PTPRJ: variants seen among roughly 807,000 people sequenced by gnomAD.
PTPRJ encodes receptor-type tyrosine-protein phosphatase eta.
A neutral mutation model predicts 141.3 loss-of-function variants in PTPRJ; 129 were observed. The observed-to-expected ratio is 0.91, with a 90% CI of 0.79 to 1.06. The LOEUF is 1.06. Among genes scored for constraint, PTPRJ ranks in the 50% least tolerant of loss-of-function variants. PTPRJ has a pLI of 0.00. For synonymous variants in PTPRJ, 610 were observed against 640.5 expected, an observed-to-expected ratio of 0.95 and a Z score of 0.72; for missense variants, 1,601 against 1,679.7, an observed-to-expected ratio of 0.95 and a Z score of 0.82.
At chr11:48,070,975 T>C (rs535014477) in intron 1 of PTPRJ, among the ~76,000 whole-genome samples, 3 of 152,368 alleles carry the variant, frequency 2.0e-5, no homozygotes, top group East Asian at 1.9e-4. Context: ...AATTTAGTGC[T>C]GTATGATAGG....
At chr11:48,069,595 G>A (rs1031459015) in intron 1 of PTPRJ, among the ~76,000 whole-genome samples, 3 of 151,670 alleles carry the variant, frequency 2.0e-5, no homozygotes, top group Non-Finnish European at 2.9e-5. Context: ...GGCTACAGGC[G>A]CCTGCCACCA....
chr11:48,151,395 T>C (rs1857477508), intron 18 of PTPRJ, among the ~76,000 whole-genome samples: 1 of 150,842 alleles, frequency 6.6e-6, no homozygotes, highest in African/African-American at 2.4e-5. Flanking sequence ...ACTAGTCATA[T>C]GGGATTCAGG....
At chr11:48,077,609 A>G (rs1033190816) in intron 1 of PTPRJ, among the ~76,000 whole-genome samples, 1 of 151,952 alleles carries the variant, frequency 6.6e-6, no homozygotes, top group Non-Finnish European at 1.5e-5. Flanking sequence ...TCCTGATCCA[A>G]TATCCTGCCA....
At chr11:48,082,979 T>C (rs1228427529) in intron 1 of PTPRJ, among the ~76,000 whole-genome samples, 1 of 152,100 alleles carries the variant, frequency 6.6e-6, no homozygotes, top group Non-Finnish European at 1.5e-5. Context: ...GGTTGGCTCA[T>C]TGGAGGGGTG....
chr11:48,126,330 G>T (rs927991466), intron 6 of PTPRJ, among the ~76,000 whole-genome samples: 31 of 152,068 alleles, frequency 2.0e-4, no homozygotes, highest in African/African-American at 7.5e-4. Context: ...TCCTGCTTTG[G>T]GTTGAACTGT....
At chr11:48,110,624 C>T (rs909177971) in intron 2 of PTPRJ, among the ~76,000 whole-genome samples, 15 of 152,136 alleles carry the variant, frequency 9.9e-5, no homozygotes, top group African/African-American at 3.1e-4. Context: ...CATCTGTGGG[C>T]GATTTAACTT....
At chr11:48,118,547 C>T (rs1437174048) in intron 3 of PTPRJ, among the ~76,000 whole-genome samples, 1 of 152,208 alleles carries the variant, frequency 6.6e-6, no homozygotes, top group Non-Finnish European at 1.5e-5. Context: ...ATGCAAAAAT[C>T]TTTAACCAAA....
chr11:48,153,615 G>A (rs1857535583), intron 18 of PTPRJ, among the ~76,000 whole-genome samples, 181 bp from the exon 19 acceptor site: 1 of 151,712 alleles, frequency 6.6e-6, no homozygotes. Context: ...TCCTGAGAAA[G>A]GAACTCAGAT....
intron 21 of PTPRJ, among the ~76,000 whole-genome samples, chr11:48,159,122 GGTGTGTGT>G (rs1174836598): frequency 0.029 from 153 of 5,298 alleles, 2 homozygotes; most frequent in Admixed American, 0.036. Context: ...GTGTATGTGG[GGTGTGTGT>G]GTGTGTGTGT....
At chr11:48,088,835 G>C (rs1855783177) in intron 1 of PTPRJ, among the ~76,000 whole-genome samples, 1 of 152,074 alleles carries the variant, frequency 6.6e-6, no homozygotes, top group African/African-American at 2.4e-5. Context: ...GCTTTGTTGT[G>C]CTTGGCTCAG....
At chr11:48,073,890 G>A (rs1855330264) in intron 1 of PTPRJ, among the ~76,000 whole-genome samples, 1 of 152,122 alleles carries the variant, frequency 6.6e-6, no homozygotes, top group South Asian at 2.1e-4. Flanking sequence ...ACAGCTTGCA[G>A]CTGTTTTCTT....
intron 1 of PTPRJ, among the ~76,000 whole-genome samples, chr11:48,091,983 C>G (rs572566236): frequency 1.3e-5 from 2 of 151,988 alleles, no homozygotes; most frequent in Non-Finnish European, 2.9e-5. Context: ...TTCTGGAGTC[C>G]CCTGGGTGCT....
chr11:48,130,541 A>C lies in PTPRJ; in HGVS notation c.1440A>C (p.Glu480Asp). Reference sequence around the variant, plus strand: ...TAGCATGGAGCAGCCATGATGCAGAATCATTTCAGATGCATATCACACAGG... The same window carrying C: ...TAGCATGGAGCAGCCATGATGCAGACTCATTTCAGATGCATATCACACAGG... Reference protein sequence around the residue: ...IGLAWSSHDAESFQMHITQEG... With the variant: ...IGLAWSSHDADSFQMHITQEG... Residue 480 changes from glutamate to aspartate, a missense_variant, in exon 8 of 25, where the codon GAA becomes GAC. Transcript: ENST00000418331. 6.2e-7 allele frequency: 1 copy of C among 1,614,182 alleles called. No homozygotes were observed. The highest frequency in any genetic ancestry group is 8.5e-7 in the Non-Finnish European group (1 of 1,180,030).
intron 21 of PTPRJ, among the ~76,000 whole-genome samples, chr11:48,159,292 G>T (rs1369714597): frequency 6.6e-6 from 1 of 152,106 alleles, no homozygotes; most frequent in Non-Finnish European, 1.5e-5. Flanking sequence ...TTCTTTATTG[G>T]TGTGTGTATT....
chr11:48,008,255 A>AATTT (rs1397238320), intron 1 of PTPRJ, among the ~76,000 whole-genome samples: 1 of 152,002 alleles, frequency 6.6e-6, no homozygotes, highest in Non-Finnish European at 1.5e-5. Flanking sequence ...CTTTCACCAC[A>AATTT]ATTTATTTAT....
chr11:48,051,783 C>A (rs192108690), intron 1 of PTPRJ, among the ~76,000 whole-genome samples: 134 of 152,306 alleles, frequency 8.8e-4, no homozygotes, highest in Non-Finnish European at 1.5e-3. Context: ...ACTTCTCTGG[C>A]ATTTTGAGCA....
intron 1 of PTPRJ, among the ~76,000 whole-genome samples, chr11:48,016,699 A>G (rs1005871926): frequency 3.3e-5 from 5 of 152,010 alleles, no homozygotes; most frequent in Non-Finnish European, 7.4e-5. Context: ...GAAGATGAAC[A>G]TGGAAGCCTT....
At chr11:48,106,631 T>C (rs1856292984) in intron 1 of PTPRJ, among the ~76,000 whole-genome samples, 1 of 152,098 alleles carries the variant, frequency 6.6e-6, no homozygotes, top group African/African-American at 2.4e-5. Context: ...TCTGTTTTGA[T>C]GTGTATGTAC....
intron 1 of PTPRJ, among the ~76,000 whole-genome samples, chr11:47,981,250 C>T (rs960171883): frequency 3.9e-5 from 6 of 152,242 alleles, no homozygotes; most frequent in Admixed American, 3.3e-4. Context: ...GGTGCCCGAG[C>T]CTCCCGGGGA....
Sources: gnomAD v4.1 joint callset for allele counts (sites outside exome capture counted in the v4.1 genomes callset) on GRCh38, gnomAD v4.1.1 for gene constraint, MANE v1.5 for transcripts, NCBI Gene and HGNC (gene_info 2026-07-23, HGNC 2026-07-21) for gene names.